The following SYNDIG1L variants were observed in gnomAD, a reference collection of about 807,000 sequenced individuals.
SYNDIG1L encodes the protein synapse differentiation-inducing gene protein 1-like.
Under a neutral mutation model 20.1 loss-of-function variants are expected in SYNDIG1L, and 13 were observed. The observed-to-expected ratio is 0.65, with a 90% CI of 0.42 to 1.03. The LOEUF (loss-of-function observed/expected upper bound fraction) is 1.03. Ranked by LOEUF, SYNDIG1L falls within the 50% of genes least tolerant of loss-of-function variation. The pLI is 0.00. For missense variants in SYNDIG1L, 294 were observed against 305.1 expected (o/e 0.96, Z 0.27); for synonymous variants, 128 against 129.3 (o/e 0.99, Z 0.07).
At chr14:74,452,284 A>T in the SYNDIG1L span, among the ~76,000 whole-genome samples, 1 of 152,198 alleles carries the variant, frequency 6.6e-6, no homozygotes, top group Non-Finnish European at 1.5e-5. Flanking sequence ...GTGGGATTGT[A>T]AAGTGGCTGA....
chr14:74,463,274 T>A, the SYNDIG1L span, among the ~76,000 whole-genome samples: 1 of 152,342 alleles, frequency 6.6e-6, no homozygotes, highest in East Asian at 1.9e-4. Context: ...CCTCACAGGC[T>A]CCTGGAGTTC....
chr14:74,413,670 T>G (rs1482943121), intron 1 of SYNDIG1L, among the ~76,000 whole-genome samples: 1 of 152,182 alleles, frequency 6.6e-6, no homozygotes, highest in Non-Finnish European at 1.5e-5. Context: ...AGATTTCTTC[T>G]GAGCCAAATT....
the SYNDIG1L span, among the ~76,000 whole-genome samples, chr14:74,475,329 A>G: frequency 6.6e-6 from 1 of 151,354 alleles, no homozygotes; most frequent in Non-Finnish European, 1.5e-5. Flanking sequence ...TGAGGTGGGT[A>G]TATTCTTATC....
the SYNDIG1L span, among the ~76,000 whole-genome samples, chr14:74,452,340 C>T: frequency 6.6e-6 from 1 of 152,192 alleles, no homozygotes; most frequent in Admixed American, 6.5e-5. Context: ...TGAATTGTAA[C>T]TCCCACAATT....
chr14:74,468,443 C>T, the SYNDIG1L span, among the ~76,000 whole-genome samples: 1 of 152,046 alleles, frequency 6.6e-6, no homozygotes, highest in African/African-American at 2.4e-5. Flanking sequence ...TTTGACCTTC[C>T]CTTTACCTTC....
At position 74,407,882 on chromosome 14, in the gene SYNDIG1L, T is replaced by C; in HGVS notation, c.525A>G (p.Pro175=). 1 of 1,613,810 alleles carries C rather than the reference T, an allele frequency of 6.2e-7. No homozygotes were observed. Among genetic ancestry groups the C allele is most frequent in the African/African-American group, 1.3e-5 (1 of 75,022 alleles). ...TLFSMLCCFW[P]LGIAAFYFSQ... is the part of the protein sequence containing the mutation. The stretch of plus-strand genomic sequence containing the variant: ...AGAAGTAGAAGGCAGCAATGCCCAG[T>C]GGCCAGAAGCAGCAGAGCATGGAGA... The change falls in exon 3 of 4, where the codon CCA becomes CCG. Residue 175 remains proline (P), a synonymous_variant. Coordinates refer to ENST00000331628, the MANE Select transcript of SYNDIG1L (RefSeq NM_001105579.2).
Position 74,407,598 on chromosome 14 carries a change from G to A in SYNDIG1L, c.654C>T (p.Ala218=), listed in dbSNP as rs757137726. 63 of 1,614,020 alleles carry A rather than the reference G, an allele frequency of 3.9e-5. No individual in the cohort carries two copies. The highest frequency in any genetic ancestry group is 1.3e-4 in the East Asian group (6 of 44,894). ...FLATLAIAVG[A]GLYVAVVVAL... is the part of the protein sequence containing the mutation. ...CCACCACCACAGCCACGTAGAGACCGGCCCCCACGGCGATGGCGAGTGTGG... is the reference window on the plus strand; with the variant it reads ...CCACCACCACAGCCACGTAGAGACCAGCCCCCACGGCGATGGCGAGTGTGG... The change falls in exon 4 of 4, where the codon GCC becomes GCT. Residue 218 remains alanine, a synonymous_variant. Coordinates refer to ENST00000331628, the MANE Select transcript of SYNDIG1L (RefSeq NM_001105579.2).
the SYNDIG1L span, among the ~76,000 whole-genome samples, chr14:74,436,743 G>A: frequency 3.3e-5 from 5 of 151,776 alleles, no homozygotes; most frequent in Admixed American, 6.6e-5. Flanking sequence ...CCAGCTACTC[G>A]GGAGGCTGAG....
the SYNDIG1L span, among the ~76,000 whole-genome samples, chr14:74,440,001 G>T: frequency 6.6e-6 from 1 of 152,014 alleles, no homozygotes; most frequent in South Asian, 2.1e-4. Context: ...ACTATGTATT[G>T]TATATCCTTC....
At chr14:74,431,319 CTGTG>C in the SYNDIG1L span, among the ~76,000 whole-genome samples, 1 of 152,088 alleles carries the variant, frequency 6.6e-6, no homozygotes, top group Non-Finnish European at 1.5e-5. Context: ...CTTTCTCCCT[CTGTG>C]TAAAGGGAAG....
chr14:74,447,171 A>C, the SYNDIG1L span, among the ~76,000 whole-genome samples: 2 of 152,260 alleles, frequency 1.3e-5, no homozygotes, highest in African/African-American at 4.8e-5. Flanking sequence ...AACTGTATTA[A>C]TAACAGTTAA....
chr14:74,448,164 A>G, the SYNDIG1L span, among the ~76,000 whole-genome samples: 1 of 152,194 alleles, frequency 6.6e-6, no homozygotes, highest in Non-Finnish European at 1.5e-5. Flanking sequence ...CTATATCATA[A>G]TCATATTAAA....
At chr14:74,458,848 T>C in the SYNDIG1L span, among the ~76,000 whole-genome samples, 1 of 152,102 alleles carries the variant, frequency 6.6e-6, no homozygotes, top group African/African-American at 2.4e-5. Context: ...GACCAAGCCC[T>C]GGGTCTGGGG....
At chr14:74,453,373 AAAAAAAAAAAAAAAAAAAG>A in the SYNDIG1L span, among the ~76,000 whole-genome samples, 121 of 144,344 alleles carry the variant, frequency 8.4e-4, no homozygotes, top group Non-Finnish European at 1.6e-3. Flanking sequence ...AAAAAAAAAA[AAAAAAAAAAAAAAAAAAAG>A]AAGAAGAAGA....
At chr14:74,436,331 C>G in the SYNDIG1L span, among the ~76,000 whole-genome samples, 1 of 151,816 alleles carries the variant, frequency 6.6e-6, no homozygotes, top group Non-Finnish European at 1.5e-5. Context: ...TTGGCTCAAG[C>G]AATCCTCCTG....
the SYNDIG1L span, among the ~76,000 whole-genome samples, chr14:74,470,192 A>T: frequency 7.2e-5 from 11 of 151,802 alleles, no homozygotes; most frequent in Non-Finnish European, 1.6e-4. Flanking sequence ...AAAAAAAAAA[A>T]TTGCTGATGA....
In SYNDIG1L at chr14:74,426,091, CCCG is replaced by C. The variant is rs1204976077; in HGVS notation, c.-240_-238del. The C allele has an allele frequency of 5.4e-5, 8 of 149,390 alleles. No individual in the cohort carries two copies. The highest frequency in any genetic ancestry group is 1.9e-4 in the East Asian group (1 of 5,152). The allele number at this position is 149,390 out of a possible 1,614,324, so 9.3% of individuals were successfully genotyped here. A position where few individuals can be genotyped will look rare whatever the true frequency, so the allele number is the denominator to read the frequency against. On this transcript the variant is annotated 5_prime_UTR_variant, in exon 1 of 4. Transcript: ENST00000331628. ...CACCGCGGACAGCTCCCGCCCGCAG[CCCG>C]CCGCCGCCGCCCGCCCCGCCCCGCG...
At chr14:74,445,490 T>G in the SYNDIG1L span, among the ~76,000 whole-genome samples, 4 of 143,672 alleles carry the variant, frequency 2.8e-5, no homozygotes, top group Non-Finnish European at 6.1e-5. Flanking sequence ...GTGTGTGTGT[T>G]TTGAGACGGA....
At chr14:74,415,597 A>G (rs1415242028) in intron 1 of SYNDIG1L, among the ~76,000 whole-genome samples, 3 of 151,970 alleles carry the variant, frequency 2.0e-5, no homozygotes, top group Non-Finnish European at 1.5e-5. Flanking sequence ...CTGGAGTGCA[A>G]TGGCATGATT....
Sources: allele counts gnomAD v4.1 joint callset (sites outside exome capture counted in the v4.1 genomes callset), GRCh38; gene constraint gnomAD v4.1.1; transcripts MANE v1.5; gene names NCBI Gene and HGNC (gene_info 2026-07-23, HGNC 2026-07-21).